The following SPEG variants were observed in gnomAD, a reference collection of about 807,000 sequenced individuals.
SPEG encodes the protein striated muscle preferentially expressed protein kinase.
A neutral mutation model predicts 300.4 loss-of-function variants in SPEG; 114 were observed. That is an observed-to-expected ratio of 0.38 (90% CI 0.33 to 0.44). The LOEUF is 0.44. Ranked by LOEUF, SPEG falls within the 20% of genes least tolerant of loss-of-function variation. The pLI, the probability that SPEG is intolerant of heterozygous loss-of-function variation, is 1.00. For synonymous variants in SPEG, 1,964 were observed against 2,018.9 expected (o/e 0.97, Z 0.73); for missense variants, 4,201 against 4,586.2 (o/e 0.92, Z 2.43).
In SPEG at chr2:219,479,998, G is replaced by A. The variant is rs375882609; in HGVS notation, c.5200G>A (p.Glu1734Lys). Residue 1734 changes from glutamate to lysine, a missense_variant, in exon 25 of 41, where the codon GAG (glutamate) becomes AAG (lysine). Physicochemically the swap from Glu to Lys is moderately conservative, Grantham distance 56 (BLOSUM62 1). Around this residue, in one of 4 missense-constraint regions of SPEG, gnomAD observed 1,047 missense variants for 1,356.8 expected, o/e 0.77. Coordinates refer to ENST00000312358, the MANE Select transcript of SPEG (RefSeq NM_005876.5). The surrounding 1 kb of genome is among the most constrained non-coding windows in gnomAD (Gnocchi z 5.5). Reference protein sequence around the residue: ...NLLVWDGAAGEQQVRICDFGN... With the variant: ...NLLVWDGAAGKQQVRICDFGN... ...GCTGGTGTGGGATGGTGCTGCGGGC[G>A]AGCAGCAGGTGCGGATCTGTGACTT... 7 of 1,614,154 alleles carry A rather than the reference G, an allele frequency of 4.3e-6. No individual in the cohort carries two copies. The highest frequency in any genetic ancestry group is 4.0e-5 in the African/African-American group (3 of 75,028).
chr2:219,483,885 G>C lies in SPEG; in HGVS notation c.6422G>C (p.Arg2141Pro), dbSNP rs995692614. ...CAGGGTGAGGCGGAGCCCCGGGGCC[G>C]GCACCGCCGAGCGGGGGCGCCCCTC... Reference protein sequence around the residue: ...FSQGEAEPRGRHRRAGAPLEI... With the variant: ...FSQGEAEPRGPHRRAGAPLEI... The change falls in exon 30 of 41, where the codon CGG (arginine) becomes CCG (proline). Residue 2141 changes from arginine (R) to proline (P), a missense_variant. By Grantham distance (103) the Arg-to-Pro change is moderately radical. Transcript: ENST00000312358. 8.1e-6 allele frequency: 13 copies of C among 1,598,896 alleles called. No individual in the cohort carries two copies. Among genetic ancestry groups the C allele is most frequent in the African/African-American group, 1.3e-5 (1 of 74,752 alleles).
chr2:219,463,897 G>A (rs754186646), intron 8 of SPEG, among the ~76,000 whole-genome samples: 2 of 152,140 alleles, frequency 1.3e-5, no homozygotes, highest in African/African-American at 2.4e-5. Context: ...CAAGAGAGGA[G>A]GATCATTTGA....
rs1694142201 is a variant in SPEG, at chr2:219,493,397, G to A, written c.*611G>A. 4 of 370,200 alleles carry A rather than the reference G, an allele frequency of 1.1e-5. No homozygotes were observed. Among genetic ancestry groups the A allele is most frequent in the South Asian group, 2.0e-5 (1 of 50,210 alleles). The allele number at this position is 370,200 out of a possible 1,614,324, so 22.9% of individuals were successfully genotyped here. On this transcript the variant is annotated 3_prime_UTR_variant, in exon 41 of 41. Transcript: ENST00000312358. ...TGGAGGCCAGCAGTCACTCACACTC[G>A]CTCTGTCCTCCTGTCCAGTGGATAC... is the stretch of plus-strand genomic sequence containing the variant.
At chr2:219,474,755 T>C (rs550531109) in intron 18 of SPEG, among the ~76,000 whole-genome samples, 69 of 151,600 alleles carry the variant, frequency 4.6e-4, no homozygotes, top group African/African-American at 1.7e-3. Context: ...GGCACAAGCC[T>C]GTTTGACAGA....
rs778670091 is a variant in SPEG, at chr2:219,473,497, C to T, written c.4148-7C>T. On this transcript the variant is annotated splice_polypyrimidine_tract_variant and splice_region_variant and intron_variant, in intron 16 of 40. Transcript: ENST00000312358. This position sits in a 1 kb window ranked among gnomAD's most constrained non-coding sequence, Gnocchi z 4.6. The stretch of plus-strand genomic sequence containing the variant: ...CCAGCACAGAGCCTGCGCTCTCCTC[C>T]TCCCAGGCCCAACCCTGGAGGAGGC... The T allele has an allele frequency of 1.2e-6, 2 of 1,613,724 alleles. No individual in the cohort carries two copies. The highest frequency in any genetic ancestry group is 1.7e-6 in the Non-Finnish European group (2 of 1,179,900).
At chr2:219,471,802 G>T in intron 13 of SPEG, 66 bp from the exon 14 acceptor site, 1 of 1,597,316 alleles carries the variant, frequency 6.3e-7, no homozygotes, top group Non-Finnish European at 8.5e-7. Flanking sequence ...GCCCGGGATG[G>T]CATGGGCCTA....
intron 31 of SPEG, among the ~76,000 whole-genome samples, chr2:219,486,479 G>C (rs1359209256): frequency 6.6e-6 from 1 of 152,180 alleles, no homozygotes; most frequent in Non-Finnish European, 1.5e-5. Context: ...GGGGGCTGCA[G>C]TGAGAGAAAA....
rs200591033 is a variant in SPEG at position 219,481,402 on chromosome 2, G to T, written c.5468G>T (p.Ser1823Ile). 4.3e-6 allele frequency: 7 copies of T among 1,614,164 alleles called. No homozygotes were observed. In the South Asian group the frequency reaches 5.5e-5, roughly 13 times the overall value. The change falls in exon 27 of 41, where the codon AGC becomes ATC. Residue 1823 changes from serine to isoleucine, a missense_variant. Ser to Ile is a moderately radical substitution (Grantham distance 142). Around this residue, in one of 4 missense-constraint regions of SPEG, gnomAD observed 1,047 missense variants for 1,356.8 expected, o/e 0.77. Coordinates refer to ENST00000312358, the MANE Select transcript of SPEG (RefSeq NM_005876.5). The surrounding 1 kb of genome is among the most constrained non-coding windows in gnomAD (Gnocchi z 5.4). The part of the protein sequence containing the change: ...NVAFEETTFL[S>I]LSREARGFLI... ...GCCTTCGAGGAGACCACATTCCTGAGCCTGAGCAGGGAGGCCCGGGGCTTC... is the reference window on the plus strand; with the variant it reads ...GCCTTCGAGGAGACCACATTCCTGATCCTGAGCAGGGAGGCCCGGGGCTTC...
Position 219,489,372 on chromosome 2 carries a change from C to A in SPEG, c.8354C>A (p.Ala2785Asp), listed in dbSNP as rs759797101. 2.5e-6 allele frequency: 4 copies of A among 1,613,616 alleles called. No homozygotes were observed. The South Asian group carries it at 4.4e-5, about 18-fold the overall frequency. Residue 2785 changes from alanine (A) to aspartate (D), a missense_variant, in exon 36 of 41, where the codon GCC becomes GAC. Ala to Asp is a moderately radical substitution (Grantham distance 126). Coordinates refer to ENST00000312358, the MANE Select transcript of SPEG (RefSeq NM_005876.5). ...GTGCCATCTGCTGCCCACCAAGAGG[C>A]CCCTGTCACCTCAAGGCCAGCCAGG... ...SAVPSAAHQEAPVTSRPARAR... is the reference protein window; with the variant it reads ...SAVPSAAHQEDPVTSRPARAR...
At chr2:219,438,748 G>A (rs1216187599) in intron 1 of SPEG, among the ~76,000 whole-genome samples, 1 of 152,188 alleles carries the variant, frequency 6.6e-6, no homozygotes, top group Non-Finnish European at 1.5e-5. Context: ...CATAGCTAGG[G>A]TCTGGAAGAT....
intron 10 of SPEG, 90 bp downstream of exon 10, chr2:219,467,524 AGAGCTCCAACCCC>A: frequency 6.8e-7 from 1 of 1,468,118 alleles, no homozygotes; most frequent in Non-Finnish European, 9.2e-7. Flanking sequence ...CCTGGGAAAC[AGAGCTCCAACCCC>A]GAGGGGAAGC....
chr2:219,483,047 C>A (rs1399125709), intron 29 of SPEG, 51 bp from the exon 30 acceptor site: 10 of 1,551,144 alleles, frequency 6.4e-6, no homozygotes, highest in Admixed American at 1.8e-5. Context: ...CTGGGGGGGA[C>A]AATCCTGCCC....
rs1306883325 is a variant in SPEG, at chr2:219,448,132, C to T, written c.974C>T (p.Pro325Leu). The change falls in exon 4 of 41, where the codon CCG becomes CTG. Residue 325 changes from proline (P) to leucine (L), a missense_variant. By Grantham distance (98) the Pro-to-Leu change is moderately conservative. Transcript: ENST00000312358. ...GGGAAGCGGTCCCCGCCGGGACCCC[C>T]GGCCCAGCCCGCGGCCACCCCCACG... ...RVGKRSPPGP[P>L]AQPAATPTSP... 6.2e-7 allele frequency: 1 copy of T among 1,605,358 alleles called. No homozygotes were observed.
In SPEG at chr2:219,444,323, C is replaced by T. The variant is rs1388806109; in HGVS notation, c.389-330C>T. Among the ~76,000 whole-genome samples the T allele has an allele frequency of 6.6e-6, 1 of 152,150 alleles. No homozygotes were observed. Among genetic ancestry groups the T allele is most frequent in the Non-Finnish European group, 1.5e-5 (1 of 68,032 alleles). On this transcript the variant is annotated intron_variant, in intron 1 of 40. Transcript: ENST00000312358. This position sits in a 1 kb window ranked among gnomAD's most constrained non-coding sequence, Gnocchi z 7.8. The stretch of plus-strand genomic sequence containing the variant: ...GGGGCTGCACAGGGGCTTAAGCTTT[C>T]ACTGACAAGGGGAGGAGGGAGAAGG...
intron 6 of SPEG, among the ~76,000 whole-genome samples, chr2:219,457,291 A>C (rs1690265667): frequency 6.6e-6 from 1 of 152,126 alleles, no homozygotes; most frequent in Admixed American, 6.6e-5. Context: ...AGGAGGAAAA[A>C]CCGTTTATGG....
Position 219,485,421 on chromosome 2 carries a change from A to G in SPEG, c.7685A>G (p.Asn2562Ser), listed in dbSNP as rs201527296. Reference sequence around the variant, plus strand: ...AAGGACAAGGGGTTATCGCCACCAAACCTCTCTGCCAGCGTCCAGGAGGAG... The same window carrying G: ...AAGGACAAGGGGTTATCGCCACCAAGCCTCTCTGCCAGCGTCCAGGAGGAG... ...PRKDKGLSPP[N>S]LSASVQEELG... Residue 2562 changes from asparagine to serine, a missense_variant, in exon 31 of 41, where the codon AAC becomes AGC. This residue lies in a region of SPEG where 1,578 missense variants were observed against 1,506.0 expected (regional missense o/e 1.05). Transcript: ENST00000312358. The G allele has an allele frequency of 4.1e-5, 66 of 1,605,374 alleles. No individual in the cohort carries two copies. The South Asian group carries it at 6.9e-4, about 17-fold the overall frequency.
Position 219,483,593 on chromosome 2 carries a change from C to T in SPEG, c.6130C>T (p.Arg2044Trp), listed in dbSNP as rs1007026680. ...KAASVELPQR[R>W]SPSPGATRLA... ...GGCGTCTGTGGAGCTGCCGCAGCGC[C>T]GGAGCCCCAGCCCGGGAGCCACCCG... Residue 2044 changes from arginine to tryptophan, a missense_variant, in exon 30 of 41, where the codon CGG becomes TGG. Arg to Trp is a moderately radical substitution (Grantham distance 101, BLOSUM62 -3). This residue lies in a region of SPEG where 1,578 missense variants were observed against 1,506.0 expected (regional missense o/e 1.05). Transcript: ENST00000312358. 1.3e-5 allele frequency: 20 copies of T among 1,483,096 alleles called. No homozygotes were observed. The highest frequency in any genetic ancestry group is 1.2e-4 in the South Asian group (9 of 77,074). The allele number at this position is 1,483,096 out of a possible 1,614,324, so 91.9% of individuals were successfully genotyped here. A position where few individuals can be genotyped will look rare whatever the true frequency, so the allele number is the denominator to read the frequency against.
intron 9 of SPEG, chr2:219,466,420 TTGTC>T: frequency 3.9e-6 from 5 of 1,289,432 alleles, no homozygotes; most frequent in East Asian, 3.4e-5. Context: ...GTCTATCTGT[TTGTC>T]TGTCTGTGTG....
In SPEG at chr2:219,476,989, G is replaced by A. The variant is rs1367229014; in HGVS notation, c.4560+7G>A. 3 of 1,599,072 alleles carry A rather than the reference G, an allele frequency of 1.9e-6. No individual in the cohort carries two copies. Among genetic ancestry groups the A allele is most frequent in the Non-Finnish European group, 2.6e-6 (3 of 1,171,002 alleles). ...GGACATCATGTGGTACAAGGTCAGA[G>A]TGTGCTGCTGGCTGAGCCTGGGGGA... On this transcript the variant is annotated splice_region_variant and intron_variant, in intron 19 of 40. Transcript: ENST00000312358.
Sources: allele counts gnomAD v4.1 joint callset (sites outside exome capture counted in the v4.1 genomes callset), GRCh38; gene constraint gnomAD v4.1.1; regional missense constraint gnomAD v4.1.1; non-coding constraint Gnocchi (gnomAD v3.1); transcripts MANE v1.5; gene names NCBI Gene and HGNC (gene_info 2026-07-23, HGNC 2026-07-21).